NECTIN3: variants seen among roughly 807,000 people sequenced by gnomAD.
The protein encoded by NECTIN3 is nectin cell adhesion molecule 3.
NECTIN3 carries 8 observed loss-of-function variants against 49.4 expected under a neutral mutation model. That is an observed-to-expected ratio of 0.16 (90% CI 0.10 to 0.29). The LOEUF (loss-of-function observed/expected upper bound fraction) is 0.29, where lower values mean the gene tolerates loss of function less well. Among genes scored for constraint, NECTIN3 ranks in the 10% least tolerant of loss-of-function variants. The pLI is 1.00. For synonymous variants in NECTIN3, 277 were observed against 241.1 expected (o/e 1.15, Z -1.38); for missense variants, 581 against 654.6 (o/e 0.89, Z 1.23).
chr3:111,119,741 G>T (rs766349128), intron 3 of NECTIN3, among the ~76,000 whole-genome samples: 12 of 152,168 alleles, frequency 7.9e-5, no homozygotes, highest in Non-Finnish European at 1.5e-4. Flanking sequence ...TAGTAAAAAA[G>T]GTGATGGCTG....
intron 1 of NECTIN3, among the ~76,000 whole-genome samples, chr3:111,085,724 C>T (rs575091098): frequency 4.6e-5 from 7 of 151,066 alleles, no homozygotes; most frequent in African/African-American, 1.2e-4. Context: ...TACCACTGTA[C>T]GGTATTTTGT....
chr3:111,091,589 A>G (rs560698563), intron 1 of NECTIN3, among the ~76,000 whole-genome samples: 1 of 152,076 alleles, frequency 6.6e-6, no homozygotes, highest in Non-Finnish European at 1.5e-5. Flanking sequence ...TATTTCATTT[A>G]GTGTAATGTT....
At chr3:111,107,780 A>G (rs1472638301) in intron 1 of NECTIN3, among the ~76,000 whole-genome samples, 1 of 152,162 alleles carries the variant, frequency 6.6e-6, no homozygotes. Flanking sequence ...AAGAACTACA[A>G]CAGAAAATCT....
chr3:111,101,056 A>G (rs1010407356), intron 1 of NECTIN3, among the ~76,000 whole-genome samples: 19 of 152,124 alleles, frequency 1.2e-4, no homozygotes, highest in Non-Finnish European at 2.2e-4. Flanking sequence ...GTGTTTTGCC[A>G]TTAACTAGTC....
chr3:111,092,682 T>G (rs1298851421), intron 1 of NECTIN3, among the ~76,000 whole-genome samples: 2 of 152,188 alleles, frequency 1.3e-5, no homozygotes, highest in Non-Finnish European at 2.9e-5. Flanking sequence ...CAGTTTTGAT[T>G]AGTTTCAGTC....
chr3:111,129,954 ATTTT>A (rs547491944), intron 5 of NECTIN3, among the ~76,000 whole-genome samples: 1 of 131,572 alleles, frequency 7.6e-6, no homozygotes, highest in Non-Finnish European at 1.6e-5. Flanking sequence ...CCAGCAGAGA[ATTTT>A]TTTTTTTTTT....
chr3:111,180,018 C>T (rs968289561), intron 7 of NECTIN3, among the ~76,000 whole-genome samples: 2 of 151,822 alleles, frequency 1.3e-5, no homozygotes, highest in African/African-American at 4.8e-5. Context: ...AATTAACAGA[C>T]AAAATTTCAA....
intron 7 of NECTIN3, among the ~76,000 whole-genome samples, chr3:111,147,767 G>A (rs955998944): frequency 1.4e-4 from 22 of 152,018 alleles, no homozygotes; most frequent in African/African-American, 4.1e-4. Flanking sequence ...ATTATATTAG[G>A]CTTTTTACTA....
At chr3:111,077,601 A>G (rs561586010) in intron 1 of NECTIN3, among the ~76,000 whole-genome samples, 1 of 152,290 alleles carries the variant, frequency 6.6e-6, no homozygotes, top group Non-Finnish European at 1.5e-5. Context: ...TAGATCAACA[A>G]TTTTTGTAAG....
rs541370409 is a variant in NECTIN3 at position 111,078,137 on chromosome 3, A to G, written c.160+5960A>G. Among the ~76,000 whole-genome samples the G allele has an allele frequency of 1.4e-4, 21 of 152,296 alleles. 1 individual carries two copies. In the South Asian group the frequency reaches 4.1e-3, roughly 30 times the overall value. ...TTAATGCACTTTGTATTCAAGTGTG[A>G]TGTTCCTGGTGGCTACCAGTTTGGA... is the stretch of plus-strand genomic sequence containing the variant. On this transcript the variant is annotated intron_variant, in intron 1 of 5. Coordinates refer to ENST00000485303, the MANE Select transcript of NECTIN3 (RefSeq NM_015480.3).
At chr3:111,078,778 C>G (rs546800876) in intron 1 of NECTIN3, among the ~76,000 whole-genome samples, 12 of 152,036 alleles carry the variant, frequency 7.9e-5, no homozygotes, top group Non-Finnish European at 1.6e-4. Context: ...TTCCCATTGC[C>G]TCACCCATTT....
At chr3:111,108,223 ATT>A (rs10576910) in intron 1 of NECTIN3, among the ~76,000 whole-genome samples, 5,856 of 136,342 alleles carry the variant, frequency 0.043, 135 homozygotes, top group Admixed American at 0.081. Flanking sequence ...CCACTTCTAA[ATT>A]TTTTTTTTTT....
At chr3:111,114,140 A>G (rs986092452) in intron 2 of NECTIN3, among the ~76,000 whole-genome samples, 7 of 152,142 alleles carry the variant, frequency 4.6e-5, no homozygotes, top group African/African-American at 1.4e-4. Context: ...TTGTTACAAG[A>G]TTAGTCATTA....
In NECTIN3 at chr3:111,135,329, G is replaced by A; in HGVS notation, c.*1114G>A. The stretch of plus-strand genomic sequence containing the variant: ...GCATTCATCTCCTTTTTCCTCCTAA[G>A]TGTATGTATGTGTTTTAAGATTTCT... On this transcript the variant is annotated 3_prime_UTR_variant, in exon 6 of 6. Transcript: ENST00000485303. The A allele has an allele frequency of 1.1e-6, 1 of 943,172 alleles. No homozygotes were observed. The highest frequency in any genetic ancestry group is 1.3e-6 in the Non-Finnish European group (1 of 791,898). The allele number at this position is 943,172 out of a possible 1,614,324, so 58.4% of individuals were successfully genotyped here. A position where few individuals can be genotyped will look rare whatever the true frequency, so the allele number is the denominator to read the frequency against.
At chr3:111,146,425 C>A (rs2034878243) in intron 6 of NECTIN3, among the ~76,000 whole-genome samples, 1 of 142,186 alleles carries the variant, frequency 7.0e-6, no homozygotes, top group African/African-American at 2.6e-5. Context: ...CAGAGCGAGA[C>A]TCCGTCTCAA....
At chr3:111,161,906 G>A (rs978017316) in intron 7 of NECTIN3, among the ~76,000 whole-genome samples, 3 of 152,108 alleles carry the variant, frequency 2.0e-5, no homozygotes, top group African/African-American at 7.2e-5. Context: ...TTCATTTAGT[G>A]TAGTCCACCT....
upstream of NECTIN3, among the ~76,000 whole-genome samples, chr3:111,189,141 T>G (rs1266840575): frequency 6.6e-6 from 1 of 152,238 alleles, no homozygotes; most frequent in Non-Finnish European, 1.5e-5. Flanking sequence ...ATTTGGTAGC[T>G]ACTGTTTACT....
chr3:111,164,358 A>G (rs1287667754), intron 7 of NECTIN3, among the ~76,000 whole-genome samples: 2 of 152,158 alleles, frequency 1.3e-5, no homozygotes, highest in Non-Finnish European at 1.5e-5. Context: ...ATTTCTCTCA[A>G]CTGTAGACTA....
At chr3:111,133,305 A>G (rs972407771) in intron 5 of NECTIN3, among the ~76,000 whole-genome samples, 1 of 152,164 alleles carries the variant, frequency 6.6e-6, no homozygotes, top group South Asian at 2.1e-4. Context: ...TAGGACACTT[A>G]AGTAATACTC....
Sources: allele counts gnomAD v4.1 joint callset (sites outside exome capture counted in the v4.1 genomes callset), GRCh38; gene constraint gnomAD v4.1.1; transcripts MANE v1.5; gene names NCBI Gene and HGNC (gene_info 2026-07-23, HGNC 2026-07-21).